The following NRG3 variants were observed in gnomAD, a reference collection of about 807,000 sequenced individuals.
NRG3 encodes the protein pro-neuregulin-3, membrane-bound isoform.
Under a neutral mutation model 66.9 loss-of-function variants are expected in NRG3, and 31 were observed. The ratio of observed to expected loss-of-function variants is 0.46; its 90% confidence interval spans 0.35 to 0.63. NRG3 has a LOEUF of 0.63. Ranked by LOEUF, NRG3 falls within the 20% of genes least tolerant of loss-of-function variation. NRG3 has a pLI of 0.00. For synonymous variants in NRG3, 393 were observed against 359.4 expected, an observed-to-expected ratio of 1.09 and a Z score of -1.06; for missense variants, 910 against 878.9, an observed-to-expected ratio of 1.04 and a Z score of -0.45.
At chr10:82,118,309 T>C (rs1404147732) in intron 1 of NRG3, among the ~76,000 whole-genome samples, 1 of 152,066 alleles carries the variant, frequency 6.6e-6, no homozygotes, top group African/African-American at 2.4e-5. Context: ...TCTTTTTTCC[T>C]TTCTGATTCA....
intron 1 of NRG3, among the ~76,000 whole-genome samples, chr10:82,158,775 T>C (rs1037832869): frequency 6.6e-6 from 1 of 151,818 alleles, no homozygotes; most frequent in African/African-American, 2.4e-5. Context: ...GGCATATTAT[T>C]TTTATGGGAA....
chr10:81,915,742 C>G (rs140403640), intron 1 of NRG3, among the ~76,000 whole-genome samples: 2 of 151,994 alleles, frequency 1.3e-5, no homozygotes, highest in Admixed American at 1.3e-4. Flanking sequence ...AGAGCCTCCT[C>G]GATGAGAATG....
intron 2 of NRG3, among the ~76,000 whole-genome samples, chr10:82,487,204 A>G (rs529203915): frequency 4.6e-5 from 7 of 151,596 alleles, no homozygotes; most frequent in Non-Finnish European, 7.4e-5. Context: ...TTGTTCTTGT[A>G]ACATAAACCT....
intron 1 of NRG3, among the ~76,000 whole-genome samples, chr10:81,948,460 A>G (rs987218739): frequency 2.0e-5 from 3 of 152,144 alleles, no homozygotes; most frequent in Non-Finnish European, 4.4e-5. Context: ...CCATGTGAGG[A>G]TTTTGTCACT....
intron 1 of NRG3, among the ~76,000 whole-genome samples, chr10:82,278,872 A>G (rs1478714834): frequency 6.6e-6 from 1 of 151,944 alleles, no homozygotes; most frequent in Non-Finnish European, 1.5e-5. Flanking sequence ...CAACTTCTGT[A>G]TTTGCTTTAG....
At chr10:82,260,181 T>C (rs980658114) in intron 1 of NRG3, among the ~76,000 whole-genome samples, 1 of 152,206 alleles carries the variant, frequency 6.6e-6, no homozygotes, top group Non-Finnish European at 1.5e-5. Context: ...GGCTTAGTAA[T>C]TCACCTTATC....
chr10:82,033,170 G>A (rs2062645459), intron 1 of NRG3, among the ~76,000 whole-genome samples: 1 of 152,138 alleles, frequency 6.6e-6, no homozygotes, highest in Non-Finnish European at 1.5e-5. Flanking sequence ...CTGTCAGACA[G>A]AATGTTGCAT....
intron 4 of NRG3, among the ~76,000 whole-genome samples, chr10:82,899,721 G>A (rs61858783): frequency 0.11 from 16,350 of 152,080 alleles, 946 homozygotes; most frequent in Middle Eastern, 0.15. Flanking sequence ...GGTGTAGAGG[G>A]AAATATTTGG....
At chr10:81,933,296 A>G (rs1299653213) in intron 1 of NRG3, among the ~76,000 whole-genome samples, 3 of 152,062 alleles carry the variant, frequency 2.0e-5, no homozygotes, top group Non-Finnish European at 4.4e-5. Flanking sequence ...TTATCTAATT[A>G]TGTATAATTC....
intron 1 of NRG3, among the ~76,000 whole-genome samples, chr10:82,261,194 G>T (rs142959794): frequency 1.3e-5 from 2 of 152,032 alleles, no homozygotes; most frequent in East Asian, 1.9e-4. Flanking sequence ...TGAATCATGG[G>T]GGTGGTTTCC....
chr10:82,097,085 T>C (rs1350993208), intron 1 of NRG3, among the ~76,000 whole-genome samples: 1 of 152,128 alleles, frequency 6.6e-6, no homozygotes, highest in East Asian at 1.9e-4. Context: ...GTTACCCATT[T>C]ATAGTTAATT....
At chr10:82,183,406 A>G (rs1316326338) in intron 1 of NRG3, among the ~76,000 whole-genome samples, 2 of 151,880 alleles carry the variant, frequency 1.3e-5, no homozygotes, top group Non-Finnish European at 2.9e-5. Context: ...TAACTCATAT[A>G]TCTCCTTAGT....
chr10:82,595,648 G>C (rs749985819), intron 2 of NRG3, among the ~76,000 whole-genome samples: 1 of 152,006 alleles, frequency 6.6e-6, no homozygotes, highest in Non-Finnish European at 1.5e-5. Flanking sequence ...AGCCAGGCAC[G>C]GTGGTGGGCG....
At chr10:82,685,144 C>CA (rs991249886) in intron 2 of NRG3, among the ~76,000 whole-genome samples, 1 of 152,006 alleles carries the variant, frequency 6.6e-6, no homozygotes, top group African/African-American at 2.4e-5. Flanking sequence ...GAGGCCCCCC[C>CA]CAAAACTTAA....
chr10:82,011,837 C>A (rs2061590243), intron 1 of NRG3, among the ~76,000 whole-genome samples: 1 of 152,172 alleles, frequency 6.6e-6, no homozygotes, highest in African/African-American at 2.4e-5. Flanking sequence ...GTCTCCACCC[C>A]TGTGGCTTTG....
At chr10:82,631,820 G>A (rs914599322) in intron 2 of NRG3, among the ~76,000 whole-genome samples, 15 of 152,016 alleles carry the variant, frequency 9.9e-5, no homozygotes, top group Middle Eastern at 3.4e-3. Context: ...TAACACCCAT[G>A]GCCAGGTGTG....
chr10:82,291,350 T>C (rs901376178), intron 1 of NRG3, among the ~76,000 whole-genome samples: 2 of 152,140 alleles, frequency 1.3e-5, no homozygotes, highest in African/African-American at 4.8e-5. Flanking sequence ...AAAAACATCT[T>C]AAATAATTGG....
intron 2 of NRG3, among the ~76,000 whole-genome samples, chr10:82,387,089 C>A (rs1162637238): frequency 6.6e-6 from 1 of 152,316 alleles, no homozygotes; most frequent in East Asian, 1.9e-4. Context: ...CGTAAGCCAC[C>A]GCACCCAGCC....
intron 1 of NRG3, among the ~76,000 whole-genome samples, chr10:82,166,208 G>A (rs1448050985): frequency 6.6e-6 from 1 of 152,108 alleles, no homozygotes; most frequent in African/African-American, 2.4e-5. Context: ...TTTTAGTAGA[G>A]ATAGGGTTTC....
Sources: allele counts gnomAD v4.1 joint callset (sites outside exome capture counted in the v4.1 genomes callset), GRCh38; gene constraint gnomAD v4.1.1; transcripts MANE v1.5; gene names NCBI Gene and HGNC (gene_info 2026-07-23, HGNC 2026-07-21).